DAB1: variants seen among roughly 807,000 people sequenced by gnomAD.
The protein encoded by DAB1 is disabled homolog 1.
DAB1 carries 15 observed loss-of-function variants against 64.6 expected under a neutral mutation model. That is an observed-to-expected ratio of 0.23 (90% CI 0.16 to 0.36). DAB1 has a LOEUF of 0.36. DAB1 is among the 10% of genes least tolerant of loss of function. The probability of loss-of-function intolerance (pLI) is 1.00; values close to 1 mark genes in which losing one functional copy is unlikely to be tolerated. For missense variants in DAB1, 596 were observed against 706.7 expected (o/e 0.84, Z 1.78); for synonymous variants, 235 against 251.9 (o/e 0.93, Z 0.64).
At chr1:58,038,939 G>A (rs553544320) in intron 5 of DAB1, among the ~76,000 whole-genome samples, 9 of 152,186 alleles carry the variant, frequency 5.9e-5, no homozygotes, top group South Asian at 2.1e-4. Context: ...TCATATGTAC[G>A]TTCGGGTCTT....
intron 6 of DAB1, among the ~76,000 whole-genome samples, chr1:57,765,499 T>C (rs1649269136): frequency 6.6e-6 from 1 of 152,184 alleles, no homozygotes; most frequent in African/African-American, 2.4e-5. Context: ...GCAGATTCCA[T>C]TTCCACTTCG....
intron 7 of DAB1, among the ~76,000 whole-genome samples, chr1:57,510,610 C>G (rs142864824): frequency 6.6e-6 from 1 of 152,062 alleles, no homozygotes; most frequent in Non-Finnish European, 1.5e-5. Flanking sequence ...TTATACCCCA[C>G]CCACACCAGT....
chr1:57,173,803 A>G (rs1662024058), intron 2 of DAB1, among the ~76,000 whole-genome samples: 4 of 152,108 alleles, frequency 2.6e-5, no homozygotes, highest in African/African-American at 7.2e-5. Flanking sequence ...GCAATTAGAG[A>G]GTACATTTTT....
chr1:57,305,510 G>A (rs1345092869), intron 1 of DAB1, among the ~76,000 whole-genome samples: 1 of 152,328 alleles, frequency 6.6e-6, no homozygotes, highest in South Asian at 2.1e-4. Context: ...ATAGGGCAGA[G>A]AGAGCCCCTG....
chr1:57,283,622 G>C (rs1420550478), intron 2 of DAB1, among the ~76,000 whole-genome samples: 1 of 152,228 alleles, frequency 6.6e-6, no homozygotes, highest in Non-Finnish European at 1.5e-5. Flanking sequence ...AGATAGGCAA[G>C]TAGAAAATGT....
At chr1:57,587,645 C>T (rs755274216) in intron 7 of DAB1, among the ~76,000 whole-genome samples, 27 of 152,292 alleles carry the variant, frequency 1.8e-4, no homozygotes, top group Non-Finnish European at 3.1e-4. Context: ...TTTACTGCTC[C>T]AGCCACTCTG....
intron 1 of DAB1, among the ~76,000 whole-genome samples, chr1:57,839,727 T>C (rs961173357): frequency 6.6e-6 from 1 of 152,204 alleles, no homozygotes; most frequent in African/African-American, 2.4e-5. Flanking sequence ...AAATGCATTA[T>C]CATTCTGTTT....
intron 6 of DAB1, among the ~76,000 whole-genome samples, chr1:57,693,096 C>G (rs964764143): frequency 6.6e-6 from 1 of 151,928 alleles, no homozygotes; most frequent in African/African-American, 2.4e-5. Context: ...CCCAAATGAG[C>G]TCAACTAACA....
intron 5 of DAB1, among the ~76,000 whole-genome samples, chr1:58,129,333 T>G (rs1653361801): frequency 6.7e-6 from 1 of 149,658 alleles, no homozygotes; most frequent in African/African-American, 2.5e-5. Flanking sequence ...TTGTGTCTAT[T>G]TGATTCTTCT....
intron 3 of DAB1, among the ~76,000 whole-genome samples, chr1:58,465,393 C>T (rs1350111432): frequency 6.6e-6 from 1 of 152,206 alleles, no homozygotes; most frequent in Non-Finnish European, 1.5e-5. Context: ...TGGCAGGAAA[C>T]AGGACATCGT....
intron 1 of DAB1, among the ~76,000 whole-genome samples, chr1:57,335,536 A>T (rs72674856): frequency 0.11 from 16,378 of 152,234 alleles, 955 homozygotes; most frequent in Middle Eastern, 0.13. Flanking sequence ...AATAACAAAA[A>T]TAATTGCCTG....
chr1:57,076,174 A>G (rs1376288649), intron 4 of DAB1, among the ~76,000 whole-genome samples: 4 of 152,194 alleles, frequency 2.6e-5, no homozygotes, highest in Non-Finnish European at 5.9e-5. Flanking sequence ...GCTCCATCCC[A>G]GGAGTGCTTC....
At chr1:57,557,151 C>T (rs879496754) in intron 7 of DAB1, among the ~76,000 whole-genome samples, 2 of 151,902 alleles carry the variant, frequency 1.3e-5, no homozygotes, top group Admixed American at 6.6e-5. Flanking sequence ...AAAGGTAGAC[C>T]GACTCTTAAT....
intron 5 of DAB1, among the ~76,000 whole-genome samples, chr1:58,063,443 A>G (rs1648637932): frequency 6.6e-6 from 1 of 152,214 alleles, no homozygotes; most frequent in Non-Finnish European, 1.5e-5. Context: ...CAGAAGCACC[A>G]GAACCTAAAG....
At chr1:57,146,175 T>C (rs1377973557) in intron 2 of DAB1, among the ~76,000 whole-genome samples, 1 of 152,252 alleles carries the variant, frequency 6.6e-6, no homozygotes, top group Non-Finnish European at 1.5e-5. Context: ...CCAGATGTTC[T>C]GTAAACTTTA....
In DAB1 at chr1:57,679,540, C is replaced by A. The variant is rs532982883; in HGVS notation, n.552-29875G>T. Among the ~76,000 whole-genome samples, 176 of 152,280 alleles carry A rather than the reference C, an allele frequency of 1.2e-3. 1 individual carries two copies. Among genetic ancestry groups the A allele is most frequent in the African/African-American group, 4.0e-3 (167 of 41,552 alleles). On this transcript the variant is annotated intron_variant and non_coding_transcript_variant, in intron 6 of 20. Coordinates refer to the DAB1 transcript ENST00000485760. The stretch of plus-strand genomic sequence containing the variant: ...AGATATGGGAGAAAAGTGTTGTTAC[C>A]AAATAAGAACCACTGAATTAATGCT...
chr1:58,494,037 C>T (rs1462335189), intron 3 of DAB1, among the ~76,000 whole-genome samples: 2 of 151,924 alleles, frequency 1.3e-5, no homozygotes, highest in East Asian at 1.9e-4. Flanking sequence ...GCTACAGTAA[C>T]CAAAACAGCA....
chr1:57,304,044 C>T (rs1673918275), intron 1 of DAB1, among the ~76,000 whole-genome samples: 1 of 152,158 alleles, frequency 6.6e-6, no homozygotes, highest in South Asian at 2.1e-4. Flanking sequence ...TTAGTCCATT[C>T]TCGTATTGCT....
upstream of DAB1, among the ~76,000 whole-genome samples, chr1:57,887,187 T>G (rs1488645916): frequency 1.3e-5 from 2 of 152,316 alleles, no homozygotes; most frequent in South Asian, 4.1e-4. Context: ...AATAGCTTCT[T>G]CCATTGCACT....
Sources: allele counts gnomAD v4.1 joint callset (sites outside exome capture counted in the v4.1 genomes callset), GRCh38; gene constraint gnomAD v4.1.1; transcripts MANE v1.5; gene names NCBI Gene and HGNC (gene_info 2026-07-23, HGNC 2026-07-21).